MDFIC2: variants seen among roughly 807,000 people sequenced by gnomAD.
MDFIC2 encodes the protein myoD family inhibitor domain-containing protein 2.
At chr3:70,291,907 C>G (rs146531440) in intron 2 of MDFIC2, 6 of 152,182 alleles carry the variant, frequency 3.9e-5, no homozygotes, top group African/African-American at 1.4e-4. Context: ...TCTTATCTTT[C>G]GCCTCTTACT....
In MDFIC2 at chr3:70,269,417, A is replaced by G. The variant is rs535360443; in HGVS notation, c.88+42469T>C. 4.6e-5 allele frequency among the ~76,000 whole-genome samples: 7 copies of G among 152,338 alleles called. No homozygotes were observed. The South Asian group carries it at 6.2e-4, about 14-fold the overall frequency. On this transcript the variant is annotated intron_variant, in intron 2 of 3. Transcript: ENST00000567252. ...GGTCTCAATCCCTGAGTTTTGGCCA[A>G]TCAAAGGCAGTCAACTGTTCTAACC...
chr3:70,235,203 T>G (rs890912308), intron 2 of MDFIC2, among the ~76,000 whole-genome samples: 1 of 152,210 alleles, frequency 6.6e-6, no homozygotes, highest in African/African-American at 2.4e-5. Context: ...CCACAAAAGA[T>G]GTGTCTTCAT....
At chr3:70,214,878 A>G (rs1429778736) in intron 2 of MDFIC2, among the ~76,000 whole-genome samples, 1 of 152,084 alleles carries the variant, frequency 6.6e-6, no homozygotes, top group African/African-American at 2.4e-5. Context: ...AGATTATGTT[A>G]TCTGAGAAAA....
chr3:70,285,546 G>C (rs1702152389), intron 2 of MDFIC2, among the ~76,000 whole-genome samples: 1 of 151,938 alleles, frequency 6.6e-6, no homozygotes, highest in African/African-American at 2.4e-5. Context: ...ATAGCAGCAT[G>C]ATTTATAGTC....
At chr3:70,251,002 T>C (rs1333355701) in intron 2 of MDFIC2, among the ~76,000 whole-genome samples, 1 of 152,234 alleles carries the variant, frequency 6.6e-6, no homozygotes, top group African/African-American at 2.4e-5. Flanking sequence ...AGTAATATTT[T>C]GTGAAATCAC....
intron 2 of MDFIC2, among the ~76,000 whole-genome samples, chr3:70,285,521 T>G (rs1255227599): frequency 6.6e-5 from 10 of 152,140 alleles, no homozygotes; most frequent in South Asian, 4.2e-4. Flanking sequence ...TAAAAATACG[T>G]GTGCATGTGT....
intron 2 of MDFIC2, among the ~76,000 whole-genome samples, chr3:70,263,130 C>A (rs974608331): frequency 6.6e-6 from 1 of 151,920 alleles, no homozygotes; most frequent in African/African-American, 2.4e-5. Flanking sequence ...GTTTTGATAC[C>A]CTGACTATAA....
intron 2 of MDFIC2, among the ~76,000 whole-genome samples, chr3:70,255,394 G>A (rs1701806629): frequency 6.6e-6 from 1 of 152,074 alleles, no homozygotes; most frequent in South Asian, 2.1e-4. Context: ...AAGTAGATAT[G>A]GAATAAGCAT....
At position 70,196,985 on chromosome 3, in the gene MDFIC2, G is replaced by A; in HGVS notation, c.511C>T (p.His171Tyr). ...DMDCSLFESC[H>Y]ETSECLELAM... ...AGTTCCAGACACTCGCTGGTCTCAT[G>A]GCAAGATTCAAAAAGGCTGCAGTCC... Residue 171 changes from histidine (H) to tyrosine (Y), a missense_variant, in exon 4 of 4, where the codon CAT (histidine) becomes TAT (tyrosine). His to Tyr is a moderately conservative substitution (Grantham distance 83). Transcript: ENST00000567252. 1 of 398,532 alleles carries A rather than the reference G, an allele frequency of 2.5e-6. No individual in the cohort carries two copies. Among genetic ancestry groups the A allele is most frequent in the East Asian group, 3.6e-5 (1 of 28,068 alleles). The allele number at this position is 398,532 out of a possible 1,614,324, so 24.7% of individuals were successfully genotyped here. A position where few individuals can be genotyped will look rare whatever the true frequency, so the allele number is the denominator to read the frequency against.
chr3:70,259,315 C>A (rs1422288370), intron 2 of MDFIC2, among the ~76,000 whole-genome samples: 1 of 152,016 alleles, frequency 6.6e-6, no homozygotes, highest in Non-Finnish European at 1.5e-5. Context: ...AAAGTAAGCA[C>A]CATCTTTTGA....
intron 2 of MDFIC2, chr3:70,302,566 G>A (rs1407319933): frequency 6.6e-6 from 1 of 152,112 alleles, no homozygotes; most frequent in Non-Finnish European, 1.5e-5. Flanking sequence ...CTATTAAAAG[G>A]TGTAACTTTC....
chr3:70,197,807 A>G (rs915093139), intron 3 of MDFIC2, among the ~76,000 whole-genome samples: 1 of 152,206 alleles, frequency 6.6e-6, no homozygotes, highest in Non-Finnish European at 1.5e-5. Context: ...TTGATTTTAT[A>G]TTCAAGTTGT....
chr3:70,244,830 C>T (rs989818143), intron 2 of MDFIC2, among the ~76,000 whole-genome samples: 1 of 152,162 alleles, frequency 6.6e-6, no homozygotes, highest in Non-Finnish European at 1.5e-5. Flanking sequence ...CTCTCACATT[C>T]CTATGTGCTC....
intron 2 of MDFIC2, chr3:70,291,156 A>G (rs947788654): frequency 6.6e-6 from 1 of 152,262 alleles, no homozygotes; most frequent in Admixed American, 6.5e-5. Flanking sequence ...TATTTTTCAC[A>G]TATTTGCATG....
chr3:70,298,052 C>G (rs1180214614), intron 2 of MDFIC2, among the ~76,000 whole-genome samples: 2 of 151,920 alleles, frequency 1.3e-5, no homozygotes, highest in Admixed American at 6.6e-5. Context: ...CAATCGGGTG[C>G]TATTTGCTGA....
intron 3 of MDFIC2, chr3:70,204,350 C>T (rs76480237): frequency 2.6e-5 from 4 of 152,106 alleles, no homozygotes; most frequent in Admixed American, 6.6e-5. Flanking sequence ...CAATTACTAT[C>T]GAAAATTCTC....
intron 3 of MDFIC2, among the ~76,000 whole-genome samples, chr3:70,202,886 T>A (rs551078243): frequency 2.2e-4 from 34 of 151,828 alleles, no homozygotes; most frequent in Non-Finnish European, 4.7e-4. Context: ...TTAATTAGAG[T>A]GGAAAAGGTG....
intron 2 of MDFIC2, among the ~76,000 whole-genome samples, chr3:70,244,965 A>G (rs1381921016): frequency 6.6e-6 from 1 of 152,150 alleles, no homozygotes; most frequent in Non-Finnish European, 1.5e-5. Flanking sequence ...TATAAAAATC[A>G]TACTACTTAT....
intron 2 of MDFIC2, among the ~76,000 whole-genome samples, chr3:70,276,912 T>C (rs543556886): frequency 6.6e-6 from 1 of 152,282 alleles, no homozygotes; most frequent in South Asian, 2.1e-4. Context: ...TTCTCAACTG[T>C]AATCAGTGAG....
Sources: gnomAD v4.1 joint callset for allele counts (sites outside exome capture counted in the v4.1 genomes callset) on GRCh38, gnomAD v4.1.1 for gene constraint, MANE v1.5 for transcripts, NCBI Gene and HGNC (gene_info 2026-07-23, HGNC 2026-07-21) for gene names.